The following HECW2 variants were observed in gnomAD, a reference collection of about 807,000 sequenced individuals.
HECW2 encodes the protein HECT, C2 and WW domain containing E3 ubiquitin protein ligase 2.
A neutral mutation model predicts 175.2 loss-of-function variants in HECW2; 61 were observed. The ratio of observed to expected loss-of-function variants is 0.35; its 90% CI spans 0.28 to 0.43. The LOEUF (loss-of-function observed/expected upper bound fraction) is 0.43. Ranked by LOEUF, HECW2 falls within the 20% of genes least tolerant of loss-of-function variation. HECW2 has a pLI of 1.00. For missense variants in HECW2, 1,524 were observed against 2,000.5 expected (o/e 0.76, Z 4.54); for synonymous variants, 671 against 731.0 (o/e 0.92, Z 1.32).
At chr2:196,217,156 C>G in intron 26 of HECW2, 63 bp from the exon 27 acceptor site, 1 of 1,188,682 alleles carries the variant, frequency 8.4e-7, no homozygotes, top group Non-Finnish European at 1.2e-6. Flanking sequence ...CACCAAGATA[C>G]GTGACACGAA....
Position 196,220,931 on chromosome 2 carries a change from C to T in HECW2, c.4157G>A (p.Arg1386Gln), listed in dbSNP as rs1250928056. Reference protein sequence around the residue: ...NEEVFGQITERELKPGGANIP... With the variant: ...NEEVFGQITEQELKPGGANIP... Reference sequence around the variant, plus strand: ...ATTGGCACCCCCTGGCTTTAATTCTCGTTCAGTTATCTGAGATTACAAAAT... The same window carrying T: ...ATTGGCACCCCCTGGCTTTAATTCTTGTTCAGTTATCTGAGATTACAAAAT... The change falls in exon 25 of 29, where the codon CGA becomes CAA. Residue 1386 changes from arginine (R) to glutamine (Q), a missense_variant. Transcript: ENST00000644978. 1 of 1,613,910 alleles carries T rather than the reference C, an allele frequency of 6.2e-7. No homozygotes were observed.
rs564768911 is a variant in HECW2, at chr2:196,249,037, T to C, written c.3529+4883A>G. On this transcript the variant is annotated intron_variant, in intron 19 of 28. Transcript: ENST00000644978. ...CCTCAATGTGCAGTGTATAGGAAAGTAAAGAGAAATATAATATATTTATGA... is the reference window on the plus strand; with the variant it reads ...CCTCAATGTGCAGTGTATAGGAAAGCAAAGAGAAATATAATATATTTATGA... Among the ~76,000 whole-genome samples the C allele has an allele frequency of 2.0e-5, 3 of 152,144 alleles. No homozygotes were observed. The South Asian group carries it at 6.2e-4, about 32-fold the overall frequency.
chr2:196,262,517 T>C (rs919567887), intron 17 of HECW2, among the ~76,000 whole-genome samples: 1 of 152,158 alleles, frequency 6.6e-6, no homozygotes, highest in Non-Finnish European at 1.5e-5. Context: ...GAGGTACAAC[T>C]TAAATTCCTT....
chr2:196,579,872 A>T (rs1690706529), intron 1 of HECW2, among the ~76,000 whole-genome samples: 1 of 152,126 alleles, frequency 6.6e-6, no homozygotes, highest in Admixed American at 6.5e-5. Context: ...CTCAGAAGAA[A>T]CCAAACTTGC....
At chr2:196,491,181 T>C (rs922204084) in intron 1 of HECW2, among the ~76,000 whole-genome samples, 2 of 151,980 alleles carry the variant, frequency 1.3e-5, no homozygotes, top group Non-Finnish European at 2.9e-5. Flanking sequence ...ATTCCACTCC[T>C]ACTATACTGA....
chr2:196,349,520 C>CTTGT (rs138307021), intron 2 of HECW2, among the ~76,000 whole-genome samples: 3 of 150,826 alleles, frequency 2.0e-5, no homozygotes, highest in Admixed American at 1.3e-4. Flanking sequence ...AAAAGTGAAA[C>CTTGT]GTGTGTGTGT....
chr2:196,204,128 C>T (rs1163372555), intron 28 of HECW2, among the ~76,000 whole-genome samples: 2 of 151,968 alleles, frequency 1.3e-5, no homozygotes, highest in Non-Finnish European at 2.9e-5. Flanking sequence ...AGTTTTTTTC[C>T]TACCGTTTGG....
intron 1 of HECW2, among the ~76,000 whole-genome samples, chr2:196,535,578 T>C (rs2125458111): frequency 6.6e-6 from 1 of 152,286 alleles, no homozygotes. Flanking sequence ...CAAAATCCCT[T>C]ATCCGCTTAC....
At chr2:196,338,074 C>T (rs1222532234) in intron 3 of HECW2, among the ~76,000 whole-genome samples, 1 of 152,184 alleles carries the variant, frequency 6.6e-6, no homozygotes, top group Admixed American at 6.5e-5. Context: ...AGGGTAGCAG[C>T]ATGCCTGCTC....
chr2:196,304,322 G>C (rs536972012), intron 13 of HECW2, among the ~76,000 whole-genome samples: 1 of 152,108 alleles, frequency 6.6e-6, no homozygotes, highest in Non-Finnish European at 1.5e-5. Context: ...CTGTCCACCT[G>C]ATCTAAAATA....
At chr2:196,223,768 G>A (rs1687752654) in intron 23 of HECW2, among the ~76,000 whole-genome samples, 1 of 152,068 alleles carries the variant, frequency 6.6e-6, no homozygotes, top group Non-Finnish European at 1.5e-5. Context: ...ATCATTAGAG[G>A]GTAGAGACCA....
chr2:196,337,350 T>C (rs189596589), intron 3 of HECW2, among the ~76,000 whole-genome samples: 2 of 149,140 alleles, frequency 1.3e-5, no homozygotes, highest in African/African-American at 2.5e-5. Flanking sequence ...TTCTGAGAAA[T>C]ATATACAAAG....
At chr2:196,245,018 A>G (rs1688595158) in intron 19 of HECW2, among the ~76,000 whole-genome samples, 1 of 152,180 alleles carries the variant, frequency 6.6e-6, no homozygotes, top group South Asian at 2.1e-4. Flanking sequence ...GGGCAAGAGG[A>G]AAGAGCCCCA....
intron 10 of HECW2, chr2:196,316,519 C>T (rs995763537): frequency 6.6e-6 from 1 of 152,034 alleles, no homozygotes; most frequent in Non-Finnish European, 1.5e-5. Context: ...CAATGTTTAC[C>T]AGGCTTTATC....
intron 2 of HECW2, among the ~76,000 whole-genome samples, chr2:196,387,589 T>C (rs759615453): frequency 1.3e-5 from 2 of 152,200 alleles, no homozygotes; most frequent in African/African-American, 2.4e-5. Context: ...GGAGCCTGAA[T>C]GGACTAAGAC....
intron 2 of HECW2, among the ~76,000 whole-genome samples, chr2:196,385,652 G>A (rs1694324895): frequency 6.6e-6 from 1 of 152,204 alleles, no homozygotes; most frequent in African/African-American, 2.4e-5. Context: ...TGGAACTGGA[G>A]CACATGGGGA....
intron 23 of HECW2, among the ~76,000 whole-genome samples, chr2:196,225,273 G>A (rs2105830646): frequency 6.6e-6 from 1 of 152,196 alleles, no homozygotes; most frequent in Non-Finnish European, 1.5e-5. Flanking sequence ...AGAAACATAT[G>A]GCACTGTCCA....
At chr2:196,567,801 T>C (rs1034425136) in intron 1 of HECW2, among the ~76,000 whole-genome samples, 14 of 152,210 alleles carry the variant, frequency 9.2e-5, no homozygotes, top group Non-Finnish European at 1.9e-4. Flanking sequence ...TAAATCTGTT[T>C]CTAGATTAAT....
chr2:196,297,025 C>T (rs2105662067), intron 13 of HECW2, among the ~76,000 whole-genome samples: 1 of 152,204 alleles, frequency 6.6e-6, no homozygotes, highest in Non-Finnish European at 1.5e-5. Context: ...TTACTTGAAA[C>T]AAAAGTAGGT....
Sources: allele counts gnomAD v4.1 joint callset (sites outside exome capture counted in the v4.1 genomes callset), GRCh38; gene constraint gnomAD v4.1.1; transcripts MANE v1.5; gene names NCBI Gene and HGNC (gene_info 2026-07-23, HGNC 2026-07-21).